NRG1: variants seen among roughly 807,000 people sequenced by gnomAD.
NRG1 encodes pro-neuregulin-1, membrane-bound isoform.
In NRG1, 18 loss-of-function variants were observed where a neutral mutation model predicts 63.8. The ratio of observed to expected loss-of-function variants is 0.28; its 90% CI spans 0.19 to 0.42. NRG1 has a LOEUF of 0.42. NRG1 is among the 10% of genes least tolerant of loss of function. NRG1 has a pLI of 1.00. For synonymous variants in NRG1, 302 were observed against 301.3 expected, an observed-to-expected ratio of 1.00 and a Z score of -0.02; for missense variants, 762 against 814.7, an observed-to-expected ratio of 0.94 and a Z score of 0.79.
chr8:31,976,886 A>T (rs1808281255), intron 1 of NRG1, among the ~76,000 whole-genome samples: 1 of 152,216 alleles, frequency 6.6e-6, no homozygotes, highest in Non-Finnish European at 1.5e-5. Context: ...CGTATAAATG[A>T]AATCCTGAAA....
intron 5 of NRG1, among the ~76,000 whole-genome samples, chr8:32,650,374 G>A (rs1854757291): frequency 6.6e-6 from 1 of 152,150 alleles, no homozygotes; most frequent in Non-Finnish European, 1.5e-5. Context: ...AGCAGTCTGG[G>A]AAGTAGTTTT....
intron 1 of NRG1, among the ~76,000 whole-genome samples, chr8:32,183,707 G>C (rs769169268): frequency 2.0e-5 from 3 of 152,196 alleles, no homozygotes; most frequent in Non-Finnish European, 4.4e-5. Context: ...GTAGACTTAT[G>C]TTTGGGATAG....
chr8:31,951,383 C>T (rs567262587), intron 1 of NRG1, among the ~76,000 whole-genome samples: 4 of 152,136 alleles, frequency 2.6e-5, no homozygotes, highest in Admixed American at 6.5e-5. Flanking sequence ...GCTCCAGCCC[C>T]GTGAGTTGGA....
At chr8:32,653,250 T>C (rs1855545353) in intron 5 of NRG1, among the ~76,000 whole-genome samples, 1 of 152,170 alleles carries the variant, frequency 6.6e-6, no homozygotes, top group Non-Finnish European at 1.5e-5. Flanking sequence ...GTGCCTGCCC[T>C]CAGGGAGCTT....
At chr8:32,547,588 T>TAA (rs1292307760), upstream of NRG1, among the ~76,000 whole-genome samples, 3 of 114,428 alleles carry the variant, frequency 2.6e-5, no homozygotes, top group Non-Finnish European at 5.9e-5. Flanking sequence ...AGGCACTTAC[T>TAA]AAACACACAC....
At chr8:32,273,257 T>C (rs1446883550) in intron 1 of NRG1, among the ~76,000 whole-genome samples, 3 of 152,130 alleles carry the variant, frequency 2.0e-5, no homozygotes, top group African/African-American at 7.2e-5. Flanking sequence ...CAAAAGCTCA[T>C]CATTTAAAGT....
rs77868211 is a variant in NRG1, at chr8:32,114,998, G to A, written c.37+475567G>A. On this transcript the variant is annotated intron_variant, in intron 1 of 10. Transcript: ENST00000519301. ...GGCTCTTGAATAATGCAGGCATTGGGGTGACAACCACCCTTACAGTCAAAA... is the reference window on the plus strand; with the variant it reads ...GGCTCTTGAATAATGCAGGCATTGGAGTGACAACCACCCTTACAGTCAAAA... Among the ~76,000 whole-genome samples, 1,036 of 152,016 alleles carry A rather than the reference G, an allele frequency of 6.8e-3. 9 individuals are homozygous for A. The highest frequency in any genetic ancestry group is 0.022 in the African/African-American group (899 of 41,456).
At chr8:32,148,237 T>TA (rs1200168771) in intron 1 of NRG1, among the ~76,000 whole-genome samples, 2 of 152,142 alleles carry the variant, frequency 1.3e-5, no homozygotes, top group Non-Finnish European at 2.9e-5. Flanking sequence ...TTTATCCAGG[T>TA]AGACACAGCC....
intron 1 of NRG1, among the ~76,000 whole-genome samples, chr8:32,472,008 T>A (rs1453001254): frequency 6.6e-6 from 1 of 152,118 alleles, no homozygotes; most frequent in Non-Finnish European, 1.5e-5. Flanking sequence ...GGGGACTCAC[T>A]CTCTCCCTCA....
intron 1 of NRG1, among the ~76,000 whole-genome samples, chr8:32,105,400 G>C (rs1831134926): frequency 6.6e-6 from 1 of 152,176 alleles, no homozygotes; most frequent in African/African-American, 2.4e-5. Flanking sequence ...CAGCAGACAA[G>C]AGAAGAGAAC....
At chr8:32,420,872 C>A (rs1237855263) in intron 1 of NRG1, among the ~76,000 whole-genome samples, 2 of 152,112 alleles carry the variant, frequency 1.3e-5, no homozygotes, top group Admixed American at 1.3e-4. Context: ...ATCATGGGAG[C>A]AGTTTTCCCT....
chr8:32,483,862 TG>T (rs1232539094), intron 1 of NRG1, among the ~76,000 whole-genome samples: 1 of 152,066 alleles, frequency 6.6e-6, no homozygotes, highest in African/African-American at 2.4e-5. Flanking sequence ...CCCAGCACTT[TG>T]GGGGGCCGAG....
At chr8:31,940,928 A>C (rs1801653025) in intron 1 of NRG1, among the ~76,000 whole-genome samples, 1 of 152,130 alleles carries the variant, frequency 6.6e-6, no homozygotes. Context: ...ACAACAAAAA[A>C]AGTCCAGGAC....
intron 1 of NRG1, among the ~76,000 whole-genome samples, chr8:31,920,642 C>G (rs1274711450): frequency 2.0e-5 from 3 of 152,088 alleles, no homozygotes; most frequent in African/African-American, 7.2e-5. Flanking sequence ...TGCCTGGGTT[C>G]AAATCCAGGC....
chr8:31,661,632 T>C (rs1363038915), intron 1 of NRG1, among the ~76,000 whole-genome samples: 1 of 152,256 alleles, frequency 6.6e-6, no homozygotes, highest in Non-Finnish European at 1.5e-5. Flanking sequence ...AGTTGTGTCA[T>C]TGATTTCTAC....
At chr8:31,926,295 A>G (rs1219053433) in intron 1 of NRG1, among the ~76,000 whole-genome samples, 4 of 152,000 alleles carry the variant, frequency 2.6e-5, no homozygotes, top group Non-Finnish European at 4.4e-5. Flanking sequence ...CCATTAAACT[A>G]TGGAAAGCTC....
At chr8:31,691,093 C>A (rs1287409651) in intron 1 of NRG1, among the ~76,000 whole-genome samples, 3 of 152,106 alleles carry the variant, frequency 2.0e-5, no homozygotes, top group African/African-American at 4.8e-5. Flanking sequence ...GAAGGGAAAC[C>A]AACCAAAGAG....
chr8:31,826,754 T>C (rs1563450191), intron 1 of NRG1, among the ~76,000 whole-genome samples: 1 of 152,248 alleles, frequency 6.6e-6, no homozygotes, highest in African/African-American at 2.4e-5. Flanking sequence ...GCATCCCTGA[T>C]GACCTGAAGG....
chr8:32,645,455 C>G (rs190846686), intron 5 of NRG1, among the ~76,000 whole-genome samples: 1 of 152,266 alleles, frequency 6.6e-6, no homozygotes, highest in East Asian at 1.9e-4. Context: ...ACTGCAAACA[C>G]AGTTTAAGAT....
Sources: gnomAD v4.1 joint callset for allele counts (sites outside exome capture counted in the v4.1 genomes callset) on GRCh38, gnomAD v4.1.1 for gene constraint, MANE v1.5 for transcripts, NCBI Gene and HGNC (gene_info 2026-07-23, HGNC 2026-07-21) for gene names.